TDG: variants seen among roughly 807,000 people sequenced by gnomAD.
TDG encodes thymine DNA glycosylase.
A neutral mutation model predicts 46.1 loss-of-function variants in TDG; 23 were observed. The observed-to-expected ratio is 0.50, with a 90% confidence interval of 0.36 to 0.71. The LOEUF (loss-of-function observed/expected upper bound fraction) is 0.71, where lower values mean the gene tolerates loss of function less well. Ranked by LOEUF, TDG falls within the 30% of genes least tolerant of loss-of-function variation. TDG has a pLI of 0.00. For missense variants in TDG, 304 were observed against 486.7 expected (o/e 0.62, Z 3.53); for synonymous variants, 115 against 161.3 (o/e 0.71, Z 2.18).
chr12:103,980,518 GAT>G, intron 3 of TDG: 1 of 228,394 alleles, frequency 4.4e-6, no homozygotes. Flanking sequence ...TTGTGTAGGT[GAT>G]GTGGAGCGAG....
rs761454296 is a variant in TDG at position 103,982,679 on chromosome 12, T to C, written c.479-120T>C. 1.7e-4 allele frequency: 163 copies of C among 933,944 alleles called. 1 individual carries two copies. The highest frequency in any genetic ancestry group is 2.5e-4 in the Non-Finnish European group (158 of 630,772). The allele number at this position is 933,944 out of a possible 1,614,324, so 57.9% of individuals were successfully genotyped here. On this transcript the variant is annotated intron_variant, in intron 4 of 9. Transcript: ENST00000392872. ...ACTCAGGAGGCTGAAGTGGGAGGAT[T>C]GCTTGAGCCTCGGTGGTCGAGGCTG...
At position 103,966,047 on chromosome 12, in the gene TDG, G is replaced by T. The variant is rs769567415; in HGVS notation, c.10G>T (p.Glu4Ter). The part of the protein sequence containing the change: MEA[E>*]NAGSYSLQQA... ...TCAGCGGCCTCGGGGAATGGAAGCG[G>T]AGAACGCGGGCAGGTAATACCGGGG... Residue 4 changes from glutamate to a stop codon, truncating the protein, a stop_gained, in exon 1 of 10, where the codon GAG (glutamate) becomes TAG (stop). Transcript: ENST00000392872. LOFTEE classifies it high-confidence loss of function. The T allele has an allele frequency of 6.3e-7, 1 of 1,595,678 alleles. No individual in the cohort carries two copies. The highest frequency in any genetic ancestry group is 8.5e-7 in the Non-Finnish European group (1 of 1,171,854).
chr12:103,971,997 A>G (rs1288971694), intron 1 of TDG, among the ~76,000 whole-genome samples: 2 of 152,220 alleles, frequency 1.3e-5, no homozygotes, highest in African/African-American at 2.4e-5. Context: ...CTGGATTATA[A>G]AGTAGCAACG....
intron 8 of TDG, among the ~76,000 whole-genome samples, 199 bp downstream of exon 8, chr12:103,985,119 A>G (rs2136243560): frequency 6.6e-6 from 1 of 151,238 alleles, no homozygotes; most frequent in East Asian, 2.0e-4. Context: ...ATATGTGTGT[A>G]TACACTTGTG....
intron 7 of TDG, among the ~76,000 whole-genome samples, chr12:103,984,162 T>C (rs1178732195): frequency 6.6e-6 from 1 of 152,228 alleles, no homozygotes; most frequent in African/African-American, 2.4e-5. Context: ...AAATATGCAA[T>C]TGATGAGTTT....
intron 3 of TDG, chr12:103,980,533 T>A (rs1329184647): frequency 4.4e-6 from 1 of 229,134 alleles, no homozygotes; most frequent in East Asian, 1.0e-4. Flanking sequence ...GGAGCGAGCT[T>A]CTTGTTGAAA....
chr12:103,986,065 A>C (rs900924467), intron 9 of TDG, among the ~76,000 whole-genome samples: 1 of 152,032 alleles, frequency 6.6e-6, no homozygotes, highest in African/African-American at 2.4e-5. Context: ...GACTACAGGC[A>C]TCCGCCACGA....
In TDG at chr12:103,980,902, A is replaced by C; in HGVS notation, c.418A>C (p.Asn140His). The C allele has an allele frequency of 1.2e-6, 2 of 1,613,738 alleles. No individual in the cohort carries two copies. Among genetic ancestry groups the C allele is most frequent in the Non-Finnish European group, 1.7e-6 (2 of 1,179,912 alleles). ...TTGTTTTGTTTTATAGATTGGCATA[A>C]ACCCGGGACTAATGGCTGCTTACAA... is the stretch of plus-strand genomic sequence containing the variant. ...FNLDIVIIGI[N>H]PGLMAAYKGH... The change falls in exon 4 of 10, where the codon AAC becomes CAC. Residue 140 changes from asparagine to histidine, a missense_variant. Transcript: ENST00000392872.
intron 8 of TDG, 128 bp downstream of exon 8, chr12:103,985,048 CGTGT>C: frequency 7.0e-6 from 4 of 568,934 alleles, no homozygotes; most frequent in Non-Finnish European, 1.1e-5. Context: ...TATATGCACA[CGTGT>C]ATATATACAT....
At chr12:103,980,347 A>T in intron 3 of TDG, 1 of 387,986 alleles carries the variant, frequency 2.6e-6, no homozygotes, top group Non-Finnish European at 4.6e-6. Flanking sequence ...TTGATAAACC[A>T]GGGGTGATAA....
chr12:103,985,528 C>T, intron 8 of TDG, 75 bp from the exon 9 acceptor site: 1 of 1,482,976 alleles, frequency 6.7e-7, no homozygotes, highest in Non-Finnish European at 9.1e-7. Flanking sequence ...AAGAATTGTT[C>T]ATGATTTCTG....
chr12:103,982,706 A>C (rs1871903403), intron 4 of TDG, 93 bp from the exon 5 acceptor site: 18 of 1,375,024 alleles, frequency 1.3e-5, no homozygotes. Context: ...TCGAGGCTGC[A>C]CTGAGCCATG....
At chr12:103,981,334 C>G (rs1179828242) in intron 4 of TDG, among the ~76,000 whole-genome samples, 1 of 141,544 alleles carries the variant, frequency 7.1e-6, no homozygotes, top group Non-Finnish European at 1.5e-5. Context: ...CTCCCAGGTT[C>G]AAGTGATTCT....
chr12:103,979,765 C>G, intron 2 of TDG, 66 bp from the exon 3 acceptor site: 1 of 1,518,918 alleles, frequency 6.6e-7, no homozygotes, highest in Non-Finnish European at 8.8e-7. Flanking sequence ...GGTAACTTTT[C>G]TGGGAAAGCT....
intron 4 of TDG, among the ~76,000 whole-genome samples, chr12:103,981,389 C>T (rs537111425): frequency 3.4e-4 from 52 of 151,872 alleles, no homozygotes; most frequent in Non-Finnish European, 7.5e-4. Context: ...GCATGTACCA[C>T]CACGCCTGGT....
intron 2 of TDG, 56 bp from the exon 3 acceptor site, chr12:103,979,770 AAAGCT>A: frequency 6.6e-7 from 1 of 1,521,878 alleles, no homozygotes; most frequent in Non-Finnish European, 8.8e-7. Context: ...CTTTTCTGGG[AAAGCT>A]GCTAAAGTTT....
At chr12:103,978,157 T>G (rs4135090) in intron 2 of TDG, among the ~76,000 whole-genome samples, 1 of 152,032 alleles carries the variant, frequency 6.6e-6, no homozygotes, top group South Asian at 2.1e-4. Flanking sequence ...AGGGGAGCAC[T>G]GAGGAGGACC....
rs368473227 is a variant in TDG, at chr12:103,980,540, G to A, written c.409-353G>A. On this transcript the variant is annotated intron_variant, in intron 3 of 9. Coordinates refer to ENST00000392872, the MANE Select transcript of TDG (RefSeq NM_003211.6). ...GGTGATGTGGAGCGAGCTTCTTGTT[G>A]AAAGTTGAGAATCAGAATTGTGGCT... The A allele has an allele frequency of 1.6e-4, 37 of 230,686 alleles. 1 individual carries two copies. Among genetic ancestry groups the A allele is most frequent in the African/African-American group, 7.3e-4 (32 of 43,588 alleles). 14.3% of individuals were successfully genotyped at this position (230,686 alleles called of 1,614,324 possible).
At chr12:103,966,825 T>C (rs532301284) in intron 1 of TDG, among the ~76,000 whole-genome samples, 3 of 152,326 alleles carry the variant, frequency 2.0e-5, no homozygotes, top group African/African-American at 7.2e-5. Context: ...TGAAGAATTA[T>C]CCTGACTCTC....
Sources: allele counts gnomAD v4.1 joint callset (sites outside exome capture counted in the v4.1 genomes callset), GRCh38; gene constraint gnomAD v4.1.1; transcripts MANE v1.5; gene names NCBI Gene and HGNC (gene_info 2026-07-23, HGNC 2026-07-21).